Variants in CFTR observed in about 807,000 individuals in gnomAD.
CFTR encodes CF transmembrane conductance regulator, also known as cystic fibrosis transmembrane conductance regulator.
Under a neutral mutation model 171.6 loss-of-function variants are expected in CFTR, and 181 were observed. That is an observed-to-expected ratio of 1.05 (90% CI 0.93 to 1.19). The LOEUF is 1.19. Ranked by LOEUF, CFTR falls within the 50% of genes most tolerant of loss-of-function variation. CFTR has a pLI of 0.00. For missense variants in CFTR, 1,968 were observed against 1,734.7 expected (o/e 1.13, Z -2.39); for synonymous variants, 583 against 608.0 (o/e 0.96, Z 0.60).
rs750642366 is a variant in CFTR, at chr7:117,592,219, A to G, written c.2052A>G (p.Lys684=). The G allele has an allele frequency of 2.2e-5, 36 of 1,613,770 alleles. No homozygotes were observed. Among genetic ancestry groups the G allele is most frequent in the Middle Eastern group, 1.6e-4 (1 of 6,084 alleles). The part of the protein sequence containing the change: ...DAPVSWTETK[K]QSFKQTGEFG... ...CTGTCTCCTGGACAGAAACAAAAAA[A>G]CAATCTTTTAAACAGACTGGAGAGT... The change falls in exon 14 of 27, where the codon AAA becomes AAG. Residue 684 remains lysine (K), a synonymous_variant. Coordinates refer to ENST00000003084, the MANE Select transcript of CFTR (RefSeq NM_000492.4).
At chr7:117,612,688 T>C (rs1420702246) in intron 20 of CFTR, among the ~76,000 whole-genome samples, 1 of 152,136 alleles carries the variant, frequency 6.6e-6, no homozygotes, top group Non-Finnish European at 1.5e-5. Context: ...TTGCTGGAGT[T>C]ACAGAAAGGC....
At chr7:117,595,369 G>C (rs918815197) in intron 15 of CFTR, among the ~76,000 whole-genome samples, 1 of 150,284 alleles carries the variant, frequency 6.7e-6, no homozygotes, top group Admixed American at 6.6e-5. Context: ...AATATAAGAA[G>C]AGTTTTTAAT....
intron 1 of CFTR, among the ~76,000 whole-genome samples, chr7:117,481,373 T>C (rs537715291): frequency 6.6e-6 from 1 of 152,286 alleles, no homozygotes; most frequent in Admixed American, 6.5e-5. Context: ...AATTATAGAC[T>C]TTTTTTAGCA....
At chr7:117,501,237 T>G (rs1798320612) in intron 1 of CFTR, among the ~76,000 whole-genome samples, 1 of 152,174 alleles carries the variant, frequency 6.6e-6, no homozygotes, top group Admixed American at 6.5e-5. Flanking sequence ...TTCTACAGGT[T>G]CTTTTCTTTC....
intron 15 of CFTR, among the ~76,000 whole-genome samples, chr7:117,598,071 A>G (rs1367056980): frequency 6.6e-6 from 1 of 152,206 alleles, no homozygotes; most frequent in Non-Finnish European, 1.5e-5. Context: ...GCTTCCCATG[A>G]GGGAACTGGG....
intron 1 of CFTR, among the ~76,000 whole-genome samples, chr7:117,496,287 C>T (rs1287780761): frequency 6.6e-6 from 1 of 152,082 alleles, no homozygotes; most frequent in Non-Finnish European, 1.5e-5. Context: ...GTCACTATAG[C>T]TTTGAAGTCA....
chr7:117,535,134 C>T (rs577571136), intron 5 of CFTR, 114 bp from the exon 6 acceptor site: 418 of 1,101,462 alleles, frequency 3.8e-4, no homozygotes, highest in South Asian at 9.5e-4. Context: ...CTCAGAACCA[C>T]GAAGTGTTTG....
At chr7:117,596,453 C>G (rs1001134780) in intron 15 of CFTR, among the ~76,000 whole-genome samples, 1 of 152,240 alleles carries the variant, frequency 6.6e-6, no homozygotes. Flanking sequence ...CCCTGCTCCA[C>G]GGCACCCAGT....
intron 11 of CFTR, among the ~76,000 whole-genome samples, chr7:117,561,471 G>C (rs1328380916): frequency 6.6e-6 from 1 of 151,982 alleles, no homozygotes; most frequent in Non-Finnish European, 1.5e-5. Flanking sequence ...TTCCTTTGTA[G>C]CTAAGTCTCC....
intron 22 of CFTR, among the ~76,000 whole-genome samples, chr7:117,636,471 A>G (rs1180419150): frequency 2.6e-5 from 4 of 151,888 alleles, no homozygotes; most frequent in Non-Finnish European, 5.9e-5. Context: ...TATTGCTTCA[A>G]ATATTTCTTC....
chr7:117,601,331 A>C (rs1338412695), intron 15 of CFTR, among the ~76,000 whole-genome samples: 1 of 152,116 alleles, frequency 6.6e-6, no homozygotes, highest in Non-Finnish European at 1.5e-5. Context: ...AAACAAGGGT[A>C]GTTTTTACAG....
At chr7:117,631,835 C>T (rs1441136439) in intron 22 of CFTR, among the ~76,000 whole-genome samples, 1 of 152,154 alleles carries the variant, frequency 6.6e-6, no homozygotes, top group Non-Finnish European at 1.5e-5. Context: ...TGGATACGTG[C>T]AATTTACAGA....
intron 11 of CFTR, among the ~76,000 whole-genome samples, chr7:117,578,156 C>T (rs953947086): frequency 1.3e-5 from 2 of 151,774 alleles, no homozygotes; most frequent in African/African-American, 2.4e-5. Context: ...TTGAACAACA[C>T]GGGTTTGAAC....
rs1792580885 is a variant in CFTR at position 117,621,563 on chromosome 7, A to G, written c.3469-5959A>G. ...AGCAAATGATTTTTGTCCTGTATCA[A>G]TCAATGATACATACATAAATCTCTA... On this transcript the variant is annotated intron_variant, in intron 21 of 26. Transcript: ENST00000003084. 2.6e-5 allele frequency among the ~76,000 whole-genome samples: 4 copies of G among 152,196 alleles called. No homozygotes were observed. In the South Asian group the frequency reaches 6.2e-4, roughly 24 times the overall value.
intron 9 of CFTR, among the ~76,000 whole-genome samples, chr7:117,546,993 A>T (rs994417339): frequency 6.6e-6 from 1 of 152,202 alleles, no homozygotes; most frequent in Non-Finnish European, 1.5e-5. Context: ...AGCTCATTGC[A>T]ATATTAATTC....
intron 25 of CFTR, 119 bp from the exon 26 acceptor site, chr7:117,665,340 A>C (rs1183195160): frequency 4.3e-6 from 3 of 694,898 alleles, no homozygotes; most frequent in Admixed American, 2.6e-5. Flanking sequence ...CATTATGTGA[A>C]AAGAACTTAA....
intron 23 of CFTR, among the ~76,000 whole-genome samples, chr7:117,650,526 A>G (rs1348272600): frequency 6.6e-6 from 1 of 152,094 alleles, no homozygotes; most frequent in African/African-American, 2.4e-5. Flanking sequence ...TGCAAGCCAC[A>G]TTGCCTTTCA....
intron 1 of CFTR, among the ~76,000 whole-genome samples, chr7:117,503,153 T>C (rs1798358889): frequency 6.6e-6 from 1 of 152,248 alleles, no homozygotes; most frequent in Admixed American, 6.5e-5. Context: ...ATATCTTTTC[T>C]ATAATGAATT....
At chr7:117,578,390 T>TAATAA (rs1791802214) in intron 11 of CFTR, among the ~76,000 whole-genome samples, 1 of 152,166 alleles carries the variant, frequency 6.6e-6, no homozygotes, top group South Asian at 2.1e-4. Context: ...TGCTTTATTG[T>TAATAA]AATAATATAG....
Sources: gnomAD v4.1 joint callset for allele counts (sites outside exome capture counted in the v4.1 genomes callset) on GRCh38, gnomAD v4.1.1 for gene constraint, MANE v1.5 for transcripts, NCBI Gene and HGNC (gene_info 2026-07-23, HGNC 2026-07-21) for gene names.